Variants in SCG5 observed in about 807,000 individuals in gnomAD.
The protein encoded by SCG5 is secretogranin V.
SCG5 carries 18 observed loss-of-function variants against 25.7 expected under a neutral mutation model. That is an observed-to-expected ratio of 0.70 (90% CI 0.48 to 1.04). The LOEUF is 1.04. SCG5 is among the 50% of genes least tolerant of loss of function. The pLI, the probability that SCG5 is intolerant of heterozygous loss-of-function variation, is 0.00. For synonymous variants in SCG5, 101 were observed against 91.7 expected (o/e 1.10, Z -0.58); for missense variants, 206 against 259.8 (o/e 0.79, Z 1.42).
At chr15:32,655,985 T>G (rs2054111021) in intron 2 of SCG5, 1 of 152,256 alleles carries the variant, frequency 6.6e-6, no homozygotes, top group Admixed American at 6.5e-5. Context: ...TTATTTTTTT[T>G]GCCCCTCTGC....
At position 32,696,870 on chromosome 15, in the gene SCG5, C is replaced by A; in HGVS notation, c.*261C>A. The A allele has an allele frequency of 3.0e-6, 1 of 332,948 alleles. No individual in the cohort carries two copies. The allele number at this position is 332,948 out of a possible 1,614,324, so 20.6% of individuals were successfully genotyped here. A position where few individuals can be genotyped will look rare whatever the true frequency, so the allele number is the denominator to read the frequency against. On this transcript the variant is annotated 3_prime_UTR_variant, in exon 6 of 6. Coordinates refer to ENST00000300175, the MANE Select transcript of SCG5 (RefSeq NM_001144757.3). The stretch of plus-strand genomic sequence containing the variant: ...ATAAAAATTAAAATGTGAATGTCAA[C>A]AATAAAAAGCAAGACTATGAAAGGC...
chr15:32,645,941 C>T (rs544747183), intron 2 of SCG5, among the ~76,000 whole-genome samples: 1 of 152,166 alleles, frequency 6.6e-6, no homozygotes, highest in Non-Finnish European at 1.5e-5. Context: ...CTGCCTCAGC[C>T]TCCTGAGTAG....
At chr15:32,677,482 A>T (rs1322585810) in intron 2 of SCG5, 1 of 152,258 alleles carries the variant, frequency 6.6e-6, no homozygotes, top group African/African-American at 2.4e-5. Context: ...TGGCTCAGCC[A>T]AAACAAACAA....
intron 2 of SCG5, among the ~76,000 whole-genome samples, chr15:32,662,843 T>TGGGA (rs2054243281): frequency 6.7e-6 from 1 of 149,378 alleles, no homozygotes; most frequent in African/African-American, 2.4e-5. Context: ...TTGATGTCTC[T>TGGGA]GGTGCAGGAG....
intron 5 of SCG5, among the ~76,000 whole-genome samples, chr15:32,694,584 A>G (rs898391340): frequency 2.6e-5 from 4 of 152,256 alleles, no homozygotes; most frequent in African/African-American, 7.2e-5. Context: ...ATATTACTAA[A>G]CAAAATTCTG....
At chr15:32,651,040 A>C (rs991115076) in intron 2 of SCG5, among the ~76,000 whole-genome samples, 1 of 152,278 alleles carries the variant, frequency 6.6e-6, no homozygotes, top group East Asian at 1.9e-4. Context: ...TCTACTAAAA[A>C]TACAAAAAAT....
At chr15:32,649,759 A>G (rs555650297) in intron 2 of SCG5, among the ~76,000 whole-genome samples, 7 of 152,154 alleles carry the variant, frequency 4.6e-5, no homozygotes, top group Admixed American at 4.6e-4. Context: ...AAACACAAAG[A>G]CAAACAGGGA....
At position 32,651,201 on chromosome 15, in the gene SCG5, A is replaced by AAAAAT. The variant is rs975534580; in HGVS notation, c.226+7400_226+7404dup. ...CAACAAGAGCGAAACTCTGTCTCAG[A>AAAAAT]AAAATAAAATAAAATAAAATACGTT... On this transcript the variant is annotated intron_variant, in intron 2 of 5. Transcript: ENST00000300175. 2.0e-4 allele frequency among the ~76,000 whole-genome samples: 30 copies of AAAAAT among 152,326 alleles called. No homozygotes were observed. The South Asian group carries it at 5.0e-3, about 25-fold the overall frequency.
intron 4 of SCG5, among the ~76,000 whole-genome samples, chr15:32,690,904 T>C (rs1358949400): frequency 6.7e-6 from 1 of 149,732 alleles, no homozygotes; most frequent in Non-Finnish European, 1.5e-5. Context: ...ATCAAATAAA[T>C]AAAACAACAC....
intron 2 of SCG5, among the ~76,000 whole-genome samples, chr15:32,665,123 A>T (rs956884425): frequency 7.2e-5 from 11 of 152,220 alleles, no homozygotes; most frequent in African/African-American, 2.7e-4. Context: ...TACCCAAAAA[A>T]GTCTTATATC....
At chr15:32,663,563 C>T (rs1374817592) in intron 2 of SCG5, among the ~76,000 whole-genome samples, 2 of 152,080 alleles carry the variant, frequency 1.3e-5, no homozygotes, top group African/African-American at 4.8e-5. Flanking sequence ...GAGAAAACTA[C>T]GTAGAACAAT....
At chr15:32,651,456 C>T (rs1001487682) in intron 2 of SCG5, among the ~76,000 whole-genome samples, 12 of 152,164 alleles carry the variant, frequency 7.9e-5, no homozygotes, top group Admixed American at 2.0e-4. Flanking sequence ...TTGAGGATGG[C>T]GGGGTGAAGC....
In SCG5 at chr15:32,648,552, C is replaced by T. The variant is rs75739147; in HGVS notation, c.226+4734C>T. Among the ~76,000 whole-genome samples, 220 of 152,192 alleles carry T rather than the reference C, an allele frequency of 1.4e-3. 2 individuals are homozygous for T. Among genetic ancestry groups the T allele is most frequent in the African/African-American group, 5.2e-3 (216 of 41,502 alleles). On this transcript the variant is annotated intron_variant, in intron 2 of 5. Coordinates refer to ENST00000300175, the MANE Select transcript of SCG5 (RefSeq NM_001144757.3). ...CCATGACCTACGAGGATCCACAGCT[C>T]CAGTCAATCGTACTCCCTACTTTGT...
At chr15:32,675,776 C>T (rs1014491517) in intron 2 of SCG5, among the ~76,000 whole-genome samples, 3 of 152,190 alleles carry the variant, frequency 2.0e-5, no homozygotes, top group Non-Finnish European at 2.9e-5. Context: ...GGCTGTATTA[C>T]GTTTGTTTCT....
intron 2 of SCG5, chr15:32,655,947 A>G (rs938316975): frequency 2.0e-5 from 3 of 152,108 alleles, no homozygotes; most frequent in Non-Finnish European, 4.4e-5. Flanking sequence ...ATCCCTAAAT[A>G]CTAGAGATTT....
intron 2 of SCG5, among the ~76,000 whole-genome samples, chr15:32,654,377 C>T (rs867174351): frequency 2.2e-4 from 33 of 152,166 alleles, no homozygotes; most frequent in African/African-American, 7.2e-4. Flanking sequence ...ATTACCATCA[C>T]ATTGGGGATT....
At chr15:32,684,347 C>G (rs2054667038) in intron 3 of SCG5, 6 of 506,020 alleles carry the variant, frequency 1.2e-5, no homozygotes, top group Non-Finnish European at 1.7e-5. Flanking sequence ...GTTTGGTGAA[C>G]AGCCAGTGAG....
chr15:32,649,312 C>A (rs1400833312), intron 2 of SCG5, among the ~76,000 whole-genome samples: 1 of 152,152 alleles, frequency 6.6e-6, no homozygotes, highest in Non-Finnish European at 1.5e-5. Flanking sequence ...AGACTTTCTG[C>A]CTTTTAGTTC....
At chr15:32,674,102 A>C (rs1243639632) in intron 2 of SCG5, among the ~76,000 whole-genome samples, 1 of 152,232 alleles carries the variant, frequency 6.6e-6, no homozygotes, top group Non-Finnish European at 1.5e-5. Flanking sequence ...TGATATTCCC[A>C]GTAATAGTCC....
Sources: allele counts gnomAD v4.1 joint callset (sites outside exome capture counted in the v4.1 genomes callset), GRCh38; gene constraint gnomAD v4.1.1; transcripts MANE v1.5; gene names NCBI Gene and HGNC (gene_info 2026-07-23, HGNC 2026-07-21).